AFG1L: variants seen among roughly 807,000 people sequenced by gnomAD.
The protein encoded by AFG1L is AFG1-like ATPase.
AFG1L carries 53 observed loss-of-function variants against 62.2 expected under a neutral mutation model. That is an observed-to-expected ratio of 0.85 (90% CI 0.68 to 1.07). AFG1L has a LOEUF of 1.07. Ranked by LOEUF, AFG1L falls within the 50% of genes least tolerant of loss-of-function variation. The pLI is 0.00. For missense variants in AFG1L, 555 were observed against 590.5 expected, an observed-to-expected ratio of 0.94 and a Z score of 0.62; for synonymous variants, 228 against 210.3, an observed-to-expected ratio of 1.08 and a Z score of -0.73.
At chr6:108,456,560 A>T (rs1772259246) in intron 8 of AFG1L, among the ~76,000 whole-genome samples, 1 of 152,026 alleles carries the variant, frequency 6.6e-6, no homozygotes, top group Admixed American at 6.6e-5. Flanking sequence ...GTATATTTAG[A>T]GTTGTACTAC....
At chr6:108,425,992 A>AAT (rs1770799730) in intron 7 of AFG1L, among the ~76,000 whole-genome samples, 1 of 152,228 alleles carries the variant, frequency 6.6e-6, no homozygotes, top group Non-Finnish European at 1.5e-5. Flanking sequence ...GTGAAATGAC[A>AAT]AAAAGTTGAG....
chr6:108,374,131 C>T (rs1393361034), intron 6 of AFG1L, among the ~76,000 whole-genome samples: 1 of 152,034 alleles, frequency 6.6e-6, no homozygotes, highest in African/African-American at 2.4e-5. Flanking sequence ...CACTGTGTGT[C>T]TTCTTTTGAG....
chr6:108,316,839 A>G (rs1365074763), intron 1 of AFG1L, among the ~76,000 whole-genome samples: 1 of 152,156 alleles, frequency 6.6e-6, no homozygotes, highest in Non-Finnish European at 1.5e-5. Context: ...GCCCGCTCTG[A>G]TGTTTTAACA....
intron 8 of AFG1L, among the ~76,000 whole-genome samples, chr6:108,470,876 G>C (rs988879814): frequency 6.6e-6 from 1 of 152,152 alleles, no homozygotes; most frequent in Non-Finnish European, 1.5e-5. Context: ...GGAGGAGATC[G>C]ACAGGAACAT....
chr6:108,478,717 G>A (rs1333199713), intron 10 of AFG1L, among the ~76,000 whole-genome samples: 1 of 152,194 alleles, frequency 6.6e-6, no homozygotes, highest in East Asian at 1.9e-4. Context: ...TTCTGCAGAA[G>A]AGGGGAACGG....
At chr6:108,321,745 G>A (rs577595166) in intron 1 of AFG1L, among the ~76,000 whole-genome samples, 1 of 152,258 alleles carries the variant, frequency 6.6e-6, no homozygotes, top group South Asian at 2.1e-4. Context: ...GGTACTGTGA[G>A]GCCTAGTGTT....
intron 7 of AFG1L, among the ~76,000 whole-genome samples, chr6:108,409,577 G>A (rs1257518583): frequency 1.3e-5 from 2 of 152,132 alleles, no homozygotes; most frequent in African/African-American, 4.8e-5. Context: ...TATTCTAAGA[G>A]AAATTAAAGT....
At chr6:108,513,165 A>G (rs972006301) in intron 11 of AFG1L, among the ~76,000 whole-genome samples, 1 of 152,232 alleles carries the variant, frequency 6.6e-6, no homozygotes, top group Non-Finnish European at 1.5e-5. Flanking sequence ...GGACAGCTCC[A>G]GTCTACAGCT....
intron 1 of AFG1L, chr6:108,318,389 A>G: frequency 3.3e-6 from 1 of 305,752 alleles, no homozygotes; most frequent in Non-Finnish European, 6.4e-6. Flanking sequence ...AGAAAGGCCA[A>G]GTGTTGATCT....
At chr6:108,503,537 T>A (rs1774285473) in intron 10 of AFG1L, among the ~76,000 whole-genome samples, 2 of 152,212 alleles carry the variant, frequency 1.3e-5, no homozygotes, top group Admixed American at 1.3e-4. Flanking sequence ...TAAACCATGC[T>A]ATAAAAAGAT....
chr6:108,366,409 T>C, intron 6 of AFG1L, 77 bp downstream of exon 6: 2 of 828,764 alleles, frequency 2.4e-6, no homozygotes, highest in East Asian at 2.6e-5. Context: ...AATTTTGAAC[T>C]AAATGTATTG....
chr6:108,422,548 T>C (rs1332668432), intron 7 of AFG1L, among the ~76,000 whole-genome samples: 4 of 136,486 alleles, frequency 2.9e-5, no homozygotes, highest in South Asian at 2.4e-4. Context: ...AAGTATTTTG[T>C]TGGGGGAAGG....
At chr6:108,408,497 C>G (rs1781963427) in intron 7 of AFG1L, among the ~76,000 whole-genome samples, 1 of 152,164 alleles carries the variant, frequency 6.6e-6, no homozygotes, top group Non-Finnish European at 1.5e-5. Context: ...TGTGCAAATT[C>G]CAACTGTTTC....
At chr6:108,422,352 T>A (rs1332174353) in intron 7 of AFG1L, among the ~76,000 whole-genome samples, 2 of 151,660 alleles carry the variant, frequency 1.3e-5, no homozygotes. Context: ...AGCATTGCAT[T>A]TATTTTGAAA....
intron 5 of AFG1L, among the ~76,000 whole-genome samples, chr6:108,361,257 G>A (rs927285463): frequency 6.6e-6 from 1 of 152,152 alleles, no homozygotes; most frequent in East Asian, 1.9e-4. Flanking sequence ...GTTCTTCCTG[G>A]CATCCCAGAA....
intron 10 of AFG1L, among the ~76,000 whole-genome samples, chr6:108,500,939 C>T (rs1774171400): frequency 6.6e-6 from 1 of 152,136 alleles, no homozygotes; most frequent in African/African-American, 2.4e-5. Flanking sequence ...TCTTTGTTGA[C>T]CACTTGTATT....
At chr6:108,346,283 C>T (rs185526208) in intron 2 of AFG1L, among the ~76,000 whole-genome samples, 1 of 152,136 alleles carries the variant, frequency 6.6e-6, no homozygotes, top group Non-Finnish European at 1.5e-5. Flanking sequence ...CTACTTTCAT[C>T]TTGTAAAACT....
chr6:108,478,422 G>T lies in AFG1L; in HGVS notation c.1062+1130G>T, dbSNP rs116013862. On this transcript the variant is annotated intron_variant, in intron 10 of 12. Coordinates refer to ENST00000368977, the MANE Select transcript of AFG1L (RefSeq NM_145315.5). ...ACTGCATTCCAGTCTGGGTGACAGT[G>T]CGAGACTCCGTCTCGAAAAAGCAAT... Among the ~76,000 whole-genome samples the T allele has an allele frequency of 7.9e-3, 1,207 of 152,346 alleles. 15 individuals carry two copies. Among genetic ancestry groups the T allele is most frequent in the African/African-American group, 0.028 (1,164 of 41,586 alleles).
chr6:108,427,918 TAA>T (rs1770899202), intron 7 of AFG1L, among the ~76,000 whole-genome samples: 1 of 152,332 alleles, frequency 6.6e-6, no homozygotes, highest in Middle Eastern at 3.4e-3. Context: ...CATTAAAAAT[TAA>T]GTTATAAAAT....
Sources: allele counts gnomAD v4.1 joint callset (sites outside exome capture counted in the v4.1 genomes callset), GRCh38; gene constraint gnomAD v4.1.1; transcripts MANE v1.5; gene names NCBI Gene and HGNC (gene_info 2026-07-23, HGNC 2026-07-21).